Variants in OSBPL1A observed in about 807,000 individuals in gnomAD.
The protein encoded by OSBPL1A is oxysterol-binding protein-related protein 1.
OSBPL1A carries 80 observed loss-of-function variants against 137.1 expected under a neutral mutation model. The observed-to-expected ratio is 0.58, with a 90% CI of 0.49 to 0.70. OSBPL1A has a LOEUF of 0.70. Ranked by LOEUF, OSBPL1A falls within the 30% of genes least tolerant of loss-of-function variation. The probability of loss-of-function intolerance (pLI) is 0.00; values close to 1 mark genes in which losing one functional copy is unlikely to be tolerated. For synonymous variants in OSBPL1A, 365 were observed against 389.7 expected, an observed-to-expected ratio of 0.94 and a Z score of 0.75; for missense variants, 970 against 1,129.4, an observed-to-expected ratio of 0.86 and a Z score of 2.02.
intron 17 of OSBPL1A, among the ~76,000 whole-genome samples, chr18:24,197,071 G>A (rs948940755): frequency 1.3e-5 from 2 of 152,146 alleles, no homozygotes; most frequent in African/African-American, 4.8e-5. Context: ...TTGCTGGCCG[G>A]GTGTGGTGGT....
intron 4 of OSBPL1A, among the ~76,000 whole-genome samples, chr18:24,343,676 T>C (rs956131196): frequency 6.6e-6 from 1 of 152,046 alleles, no homozygotes; most frequent in Non-Finnish European, 1.5e-5. Flanking sequence ...GGATATATGG[T>C]CAAATGATTT....
rs144897738 is a variant in OSBPL1A at position 24,307,581 on chromosome 18, T to A, written c.1093-3863A>T. Among the ~76,000 whole-genome samples the A allele has an allele frequency of 6.6e-5, 10 of 152,354 alleles. No individual in the cohort carries two copies. The East Asian group carries it at 1.9e-3, about 29-fold the overall frequency. On this transcript the variant is annotated intron_variant, in intron 13 of 27. Coordinates refer to ENST00000319481, the MANE Select transcript of OSBPL1A (RefSeq NM_080597.4). ...GTCTACACAAATATATATGTGTACA[T>A]CCCTGTTTTTTTTCCTCCCAAGTAG...
intron 15 of OSBPL1A, among the ~76,000 whole-genome samples, chr18:24,251,751 G>C (rs941340227): frequency 6.6e-6 from 1 of 152,146 alleles, no homozygotes; most frequent in Admixed American, 6.5e-5. Flanking sequence ...GCCGATCCTG[G>C]AGAAAGAGGG....
At chr18:24,286,055 G>A (rs9989578) in intron 14 of OSBPL1A, among the ~76,000 whole-genome samples, 16,520 of 152,178 alleles carry the variant, frequency 0.11, 1,007 homozygotes, top group South Asian at 0.16. Flanking sequence ...TACCCAGGAG[G>A]CTGAGGCAAG....
At chr18:24,231,830 G>C (rs529039654) in intron 16 of OSBPL1A, among the ~76,000 whole-genome samples, 1 of 152,306 alleles carries the variant, frequency 6.6e-6, no homozygotes, top group African/African-American at 2.4e-5. Flanking sequence ...AAGGCTGAAA[G>C]AAGAGGCCAT....
At chr18:24,201,015 G>T (rs1232683953) in intron 17 of OSBPL1A, among the ~76,000 whole-genome samples, 1 of 151,984 alleles carries the variant, frequency 6.6e-6, no homozygotes, top group Non-Finnish European at 1.5e-5. Context: ...AAGAACAGAC[G>T]AGAGCAGCAA....
intron 1 of OSBPL1A, among the ~76,000 whole-genome samples, chr18:24,393,664 A>G (rs1282424790): frequency 6.6e-6 from 1 of 152,150 alleles, no homozygotes; most frequent in Non-Finnish European, 1.5e-5. Context: ...TGTGTTAGCC[A>G]GGATGGTCTC....
chr18:24,180,903 A>T (rs1292474005), intron 19 of OSBPL1A, among the ~76,000 whole-genome samples: 1 of 152,122 alleles, frequency 6.6e-6, no homozygotes, highest in Non-Finnish European at 1.5e-5. Context: ...GGATTTAGCA[A>T]AACCCACTAA....
At chr18:24,320,213 C>G (rs2090822483) in intron 7 of OSBPL1A, among the ~76,000 whole-genome samples, 1 of 151,970 alleles carries the variant, frequency 6.6e-6, no homozygotes, top group East Asian at 1.9e-4. Context: ...GTACCGATTA[C>G]TATTTTAGGC....
chr18:24,395,254 T>G (rs1465782325), intron 1 of OSBPL1A, among the ~76,000 whole-genome samples: 3 of 152,216 alleles, frequency 2.0e-5, no homozygotes, highest in Non-Finnish European at 4.4e-5. Flanking sequence ...CTGAAGGATA[T>G]CAAGTTTCTC....
chr18:24,165,106 G>A lies in OSBPL1A; in HGVS notation c.2709C>T (p.Ala903=). 1.9e-6 allele frequency: 3 copies of A among 1,614,038 alleles called. No individual in the cohort carries two copies. Among genetic ancestry groups the A allele is most frequent in the Non-Finnish European group, 2.5e-6 (3 of 1,180,012 alleles). Residue 903 remains alanine (A), a synonymous_variant, in exon 27 of 28, where the codon GCC becomes GCT. Transcript: ENST00000319481. The part of the protein sequence containing the change: ...KKRLEEKQRA[A]RKNRSKSEED... ...CTTCTGACTTGGACCTGTTTTTGCG[G>A]GCTGCTCTTTGTTTTTCCTCAAGTC...
intron 1 of OSBPL1A, among the ~76,000 whole-genome samples, chr18:24,391,925 A>G (rs1332509985): frequency 6.6e-6 from 1 of 151,862 alleles, no homozygotes; most frequent in Non-Finnish European, 1.5e-5. Context: ...GCACAATCTC[A>G]GCTCACTGCA....
At chr18:24,177,970 C>A in intron 21 of OSBPL1A, 43 bp downstream of exon 21, 1 of 1,556,400 alleles carries the variant, frequency 6.4e-7, no homozygotes, top group South Asian at 1.1e-5. Context: ...CACTTACAGG[C>A]AGGTCTACAT....
intron 18 of OSBPL1A, among the ~76,000 whole-genome samples, chr18:24,187,291 G>C (rs1337007613): frequency 6.6e-6 from 1 of 152,202 alleles, no homozygotes; most frequent in African/African-American, 2.4e-5. Context: ...GCAAGCTGAA[G>C]AGAGTTCTGT....
chr18:24,375,277 T>C (rs1021713935), intron 2 of OSBPL1A, among the ~76,000 whole-genome samples: 2 of 125,100 alleles, frequency 1.6e-5, no homozygotes, highest in African/African-American at 3.2e-5. Flanking sequence ...AGCATGCCAC[T>C]GCACTCCAGC....
chr18:24,178,016 A>G lies in OSBPL1A; in HGVS notation c.2090T>C (p.Leu697Pro). ...EPKGTITLELLEHNEAYTWTN... is the reference protein window; with the variant it reads ...EPKGTITLELPEHNEAYTWTN... ...TAATGGCTTGATCAGAACTCACTCA[A>G]GGAGCTCCAAGGTGATGGTTCCTTT... The change falls in exon 21 of 28, where the codon CTT (leucine) becomes CCT (proline). Residue 697 changes from leucine (L) to proline (P), a missense_variant. Leu to Pro is a moderately conservative substitution (Grantham distance 98). Transcript: ENST00000319481. The G allele has an allele frequency of 6.2e-7, 1 of 1,612,748 alleles. No homozygotes were observed. Among genetic ancestry groups the G allele is most frequent in the Non-Finnish European group, 8.5e-7 (1 of 1,178,830 alleles).
chr18:24,365,167 A>T (rs1308845336), intron 4 of OSBPL1A, among the ~76,000 whole-genome samples: 1 of 152,234 alleles, frequency 6.6e-6, no homozygotes, highest in African/African-American at 2.4e-5. Flanking sequence ...GTGTATCCAT[A>T]CAGTGGAATA....
At chr18:24,174,621 G>C (rs1468197327) in intron 21 of OSBPL1A, among the ~76,000 whole-genome samples, 2 of 152,142 alleles carry the variant, frequency 1.3e-5, no homozygotes, top group African/African-American at 2.4e-5. Context: ...ATCCTTGTCA[G>C]CACTTGGTAT....
chr18:24,184,787 CTGCCCCCACCCTGCATTCTCAT>C (rs1246522951), intron 18 of OSBPL1A, among the ~76,000 whole-genome samples: 43 of 152,068 alleles, frequency 2.8e-4, no homozygotes, highest in Admixed American at 1.9e-3. Flanking sequence ...TGCATTCTCA[CTGCCCCCACCCTGCATTCTCAT>C]TGCCCCCACC....
Sources: allele counts gnomAD v4.1 joint callset (sites outside exome capture counted in the v4.1 genomes callset), GRCh38; gene constraint gnomAD v4.1.1; transcripts MANE v1.5; gene names NCBI Gene and HGNC (gene_info 2026-07-23, HGNC 2026-07-21).